Variants in IQGAP2 observed in about 807,000 individuals in gnomAD.
IQGAP2 encodes the protein IQ motif containing GTPase activating protein 2.
Under a neutral mutation model 201.3 loss-of-function variants are expected in IQGAP2, and 173 were observed. The ratio of observed to expected loss-of-function variants is 0.86; its 90% CI spans 0.76 to 0.98. The LOEUF is 0.98. IQGAP2 is among the 50% of genes least tolerant of loss of function. The probability of loss-of-function intolerance (pLI) is 0.00; values close to 1 mark genes in which losing one functional copy is unlikely to be tolerated. For missense variants in IQGAP2, 1,687 were observed against 1,864.8 expected (o/e 0.90, Z 1.76); for synonymous variants, 675 against 673.9 (o/e 1.00, Z -0.03).
intron 28 of IQGAP2, among the ~76,000 whole-genome samples, chr5:76,677,763 T>A (rs1744946363): frequency 6.6e-6 from 1 of 151,962 alleles, no homozygotes; most frequent in Non-Finnish European, 1.5e-5. Context: ...CCCCTATCTC[T>A]ACTAAAAATT....
rs144100602 is a variant in IQGAP2, at chr5:76,550,080, G to C, written c.147-12316G>C. On this transcript the variant is annotated intron_variant, in intron 2 of 35. Coordinates refer to ENST00000274364, the MANE Select transcript of IQGAP2 (RefSeq NM_006633.5). ...CTACATCAAAGTGAGAGAGACTCAA[G>C]TATATGATTCATCTTGAGGCAAAAA... Among the ~76,000 whole-genome samples the C allele has an allele frequency of 4.9e-3, 747 of 152,276 alleles. 13 individuals are homozygous for C. Among genetic ancestry groups the C allele is most frequent in the African/African-American group, 0.017 (716 of 41,542 alleles).
chr5:76,611,402 A>G (rs1173082407), intron 13 of IQGAP2, among the ~76,000 whole-genome samples: 2 of 152,178 alleles, frequency 1.3e-5, no homozygotes, highest in Non-Finnish European at 2.9e-5. Flanking sequence ...TTCTTTGACT[A>G]AAAACTCAGT....
chr5:76,450,716 TACAA>T (rs1172721710), intron 1 of IQGAP2, among the ~76,000 whole-genome samples: 1 of 152,186 alleles, frequency 6.6e-6, no homozygotes, highest in Non-Finnish European at 1.5e-5. Flanking sequence ...CTGGTCTCCT[TACAA>T]ACCCTAAATG....
At chr5:76,419,432 G>A (rs1475615633) in intron 1 of IQGAP2, among the ~76,000 whole-genome samples, 1 of 151,964 alleles carries the variant, frequency 6.6e-6, no homozygotes, top group African/African-American at 2.4e-5. Context: ...CGCCTCCCAA[G>A]TTCAAGCAAT....
At chr5:76,466,184 A>T (rs4289541) in intron 2 of IQGAP2, among the ~76,000 whole-genome samples, 146,164 of 151,320 alleles carry the variant, frequency 0.97, 70,785 homozygotes, top group Non-Finnish European at 0.99. Flanking sequence ...AAAAAAAAAA[A>T]TTTTGAATTA....
chr5:76,658,591 A>G lies in IQGAP2; in HGVS notation c.2453A>G (p.Asn818Ser), dbSNP rs777743162. The change falls in exon 21 of 36, where the codon AAT becomes AGT. Residue 818 changes from asparagine (N) to serine (S), a missense_variant. By Grantham distance (46) the Asn-to-Ser change is conservative. Coordinates refer to ENST00000274364, the MANE Select transcript of IQGAP2 (RefSeq NM_006633.5). Reference sequence around the variant, plus strand: ...GAAGTAGTGACCAAGATCAGGGCCAATCAACAGCTGGAAAAAGACCTGAAC... The same window carrying G: ...GAAGTAGTGACCAAGATCAGGGCCAGTCAACAGCTGGAAAAAGACCTGAAC... ...REEVVTKIRA[N>S]QQLEKDLNLM... 5.0e-5 allele frequency: 81 copies of G among 1,613,970 alleles called. 1 individual carries two copies. The highest frequency in any genetic ancestry group is 4.9e-4 in the Middle Eastern group (3 of 6,084).
intron 20 of IQGAP2, among the ~76,000 whole-genome samples, chr5:76,656,532 C>T (rs1005433281): frequency 6.6e-6 from 1 of 151,918 alleles, no homozygotes; most frequent in African/African-American, 2.4e-5. Context: ...TTTTCTGAGC[C>T]CTAACACTAA....
chr5:76,641,111 G>A lies in IQGAP2; in HGVS notation c.2094+8G>A, dbSNP rs777096507. Reference sequence around the variant, plus strand: ...AATGTGGTCAAAATACAGGTATGTGGATCACCTGCCACTGTTTACACAAAA... The same window carrying A: ...AATGTGGTCAAAATACAGGTATGTGAATCACCTGCCACTGTTTACACAAAA... On this transcript the variant is annotated splice_region_variant and intron_variant, in intron 17 of 35. Transcript: ENST00000274364. The A allele has an allele frequency of 6.3e-7, 1 of 1,579,062 alleles. No individual in the cohort carries two copies. Among genetic ancestry groups the A allele is most frequent in the African/African-American group, 1.3e-5 (1 of 74,284 alleles).
chr5:76,462,856 T>G (rs1580247087), intron 2 of IQGAP2, among the ~76,000 whole-genome samples: 1 of 152,118 alleles, frequency 6.6e-6, no homozygotes, highest in Non-Finnish European at 1.5e-5. Context: ...TTTTAAAGAT[T>G]GTTTAACATG....
chr5:76,695,835 CTTTTTTTT>C (rs56984768), intron 32 of IQGAP2, among the ~76,000 whole-genome samples, 169 bp downstream of exon 32: 1 of 83,092 alleles, frequency 1.2e-5, no homozygotes, highest in African/African-American at 5.1e-5. Flanking sequence ...CAGTTGATGA[CTTTTTTTT>C]TTTTTTTTTT....
rs778331576 is a variant in IQGAP2 at position 76,674,591 on chromosome 5, A to G, written c.3409A>G (p.Asn1137Asp). 6.2e-7 allele frequency: 1 copy of G among 1,614,142 alleles called. No homozygotes were observed. The highest frequency in any genetic ancestry group is 8.5e-7 in the Non-Finnish European group (1 of 1,180,008). Residue 1137 changes from asparagine (N) to aspartate (D), a missense_variant, in exon 27 of 36, where the codon AAC becomes GAC. Transcript: ENST00000274364. ...TCAGATAAATTCTGACCAAAGGAGA[A>G]ACTTAGGATCAGTGGCCAAGGTTCT... ...GGQINSDQRR[N>D]LGSVAKVLQH...
chr5:76,642,802 CG>C (rs1561542644), intron 17 of IQGAP2, among the ~76,000 whole-genome samples: 1 of 152,162 alleles, frequency 6.6e-6, no homozygotes, highest in East Asian at 1.9e-4. Flanking sequence ...AGCTATACTC[CG>C]GCTACACCAC....
intron 2 of IQGAP2, among the ~76,000 whole-genome samples, chr5:76,481,763 G>T (rs1173048720): frequency 6.6e-6 from 1 of 152,134 alleles, no homozygotes; most frequent in African/African-American, 2.4e-5. Context: ...TGTATTTTAC[G>T]CTTACAGGAC....
At chr5:76,674,827 A>G (rs1171849744) in intron 27 of IQGAP2, 118 bp downstream of exon 27, 6 of 708,642 alleles carry the variant, frequency 8.5e-6, no homozygotes, top group South Asian at 1.8e-5. Context: ...GGTTACAAGC[A>G]TTTCTTCTAC....
intron 2 of IQGAP2, among the ~76,000 whole-genome samples, chr5:76,521,130 T>TA (rs397781473): frequency 1.3e-5 from 2 of 152,028 alleles, no homozygotes; most frequent in African/African-American, 4.8e-5. Flanking sequence ...TTTGTTTTTT[T>TA]ACCTTTCTTC....
intron 2 of IQGAP2, among the ~76,000 whole-genome samples, chr5:76,500,994 T>A (rs1373132520): frequency 6.6e-6 from 1 of 152,126 alleles, no homozygotes; most frequent in Admixed American, 6.5e-5. Flanking sequence ...CCCTTGCCAT[T>A]TCTACCATGG....
At chr5:76,624,453 A>T (rs537465146) in intron 13 of IQGAP2, 1 of 152,362 alleles carries the variant, frequency 6.6e-6, no homozygotes, top group African/African-American at 2.4e-5. Flanking sequence ...TCACATCTTG[A>T]TTAAATTACA....
At chr5:76,663,037 TG>T (rs1300640947) in intron 21 of IQGAP2, among the ~76,000 whole-genome samples, 25 of 152,348 alleles carry the variant, frequency 1.6e-4, no homozygotes, top group African/African-American at 5.5e-4. Flanking sequence ...GGACCCCAGC[TG>T]CTCAATGGGC....
chr5:76,423,639 C>A (rs1043747202), intron 1 of IQGAP2, among the ~76,000 whole-genome samples: 1 of 151,970 alleles, frequency 6.6e-6, no homozygotes, highest in Non-Finnish European at 1.5e-5. Flanking sequence ...AGAAATAGTG[C>A]TTGGTCATCA....
Sources: allele counts gnomAD v4.1 joint callset (sites outside exome capture counted in the v4.1 genomes callset), GRCh38; gene constraint gnomAD v4.1.1; transcripts MANE v1.5; gene names NCBI Gene and HGNC (gene_info 2026-07-23, HGNC 2026-07-21).